The following LOXHD1 variants were observed in gnomAD, a reference collection of about 807,000 sequenced individuals.
LOXHD1 encodes lipoxygenase homology domain-containing protein 1.
In LOXHD1, 205 loss-of-function variants were observed where a neutral mutation model predicts 248.2. The observed-to-expected ratio is 0.83, with a 90% CI of 0.74 to 0.93. The LOEUF (loss-of-function observed/expected upper bound fraction) is 0.93. LOXHD1 is among the 40% of genes least tolerant of loss of function. The probability of loss-of-function intolerance (pLI) is 0.00; values close to 1 mark genes in which losing one functional copy is unlikely to be tolerated. For synonymous variants in LOXHD1, 1,113 were observed against 1,162.8 expected (o/e 0.96, Z 0.87); for missense variants, 2,930 against 2,971.6 (o/e 0.99, Z 0.33).
chr18:46,506,133 A>G, intron 36 of LOXHD1, 110 bp from the exon 37 acceptor site: 1 of 1,226,092 alleles, frequency 8.2e-7, no homozygotes, highest in South Asian at 1.5e-5. Context: ...ACAGGTGGAC[A>G]GAGTACAGAC....
intron 15 of LOXHD1, 59 bp downstream of exon 15, chr18:46,572,027 A>G: frequency 7.0e-7 from 1 of 1,425,740 alleles, no homozygotes; most frequent in Non-Finnish European, 9.7e-7. Flanking sequence ...GGCTTAGCTG[A>G]GGGAAGGCCC....
chr18:46,538,566 G>T (rs1277470782), intron 25 of LOXHD1, among the ~76,000 whole-genome samples: 1 of 152,158 alleles, frequency 6.6e-6, no homozygotes, highest in African/African-American at 2.4e-5. Context: ...CCTCAGACCA[G>T]GGTGTGTGAG....
chr18:46,533,532 G>A (rs946150903), intron 27 of LOXHD1, among the ~76,000 whole-genome samples: 1 of 152,206 alleles, frequency 6.6e-6, no homozygotes, highest in Non-Finnish European at 1.5e-5. Context: ...GCTCTGAAAG[G>A]CTGGAGTTCC....
rs1387129162 is a variant in LOXHD1, at chr18:46,534,323, T to C, written c.4212+12A>G. ...CAAAAGAAACAGCAGGACAGACCAG[T>C]CAACAACTCACGTCTTTATCCGGGA... is the stretch of plus-strand genomic sequence containing the variant. On this transcript the variant is annotated intron_variant, in intron 27 of 40. Transcript: ENST00000642948. 5.2e-6 allele frequency: 8 copies of C among 1,542,236 alleles called. No homozygotes were observed. The South Asian group carries it at 8.3e-5, about 16-fold the overall frequency.
chr18:46,579,793 CAG>C lies in LOXHD1; in HGVS notation c.1655-11_1655-10del. On this transcript the variant is annotated splice_polypyrimidine_tract_variant and intron_variant, in intron 12 of 40. Coordinates refer to ENST00000642948, the MANE Select transcript of LOXHD1 (RefSeq NM_001384474.1). ...CACATGGTACCGGGCCACTGGCAGG[CAG>C]AGAGAGGGACATCATTGCTGACAGC... 1.9e-6 allele frequency: 3 copies of C among 1,550,376 alleles called. No homozygotes were observed. The highest frequency in any genetic ancestry group is 2.6e-6 in the Non-Finnish European group (3 of 1,145,944).
intron 4 of LOXHD1, among the ~76,000 whole-genome samples, chr18:46,633,920 A>G (rs543394248): frequency 5.3e-5 from 8 of 152,366 alleles, no homozygotes; most frequent in African/African-American, 1.9e-4. Flanking sequence ...TAGGATGGCT[A>G]TTGTTTTTTA....
intron 2 of LOXHD1, among the ~76,000 whole-genome samples, chr18:46,643,532 G>C (rs765845629): frequency 5.3e-5 from 8 of 152,208 alleles, no homozygotes; most frequent in African/African-American, 1.7e-4. Flanking sequence ...ACTAGCAATC[G>C]TGAGGGTCTG....
At chr18:46,516,106 T>C (rs566437993) in intron 34 of LOXHD1, among the ~76,000 whole-genome samples, 3 of 152,124 alleles carry the variant, frequency 2.0e-5, no homozygotes, top group Admixed American at 6.5e-5. Context: ...AAGTAGAGAG[T>C]TTCTGTTCTC....
chr18:46,562,227 T>C (rs1277533384), intron 18 of LOXHD1, among the ~76,000 whole-genome samples: 12 of 152,248 alleles, frequency 7.9e-5, no homozygotes, highest in South Asian at 2.1e-4. Flanking sequence ...CAGACACTTA[T>C]GACTCTGGCC....
chr18:46,639,154 G>T (rs1263328930), intron 4 of LOXHD1, among the ~76,000 whole-genome samples: 4 of 152,182 alleles, frequency 2.6e-5, no homozygotes, highest in African/African-American at 4.8e-5. Flanking sequence ...AAATCAGGAG[G>T]AGTCAGAGGG....
intron 39 of LOXHD1, among the ~76,000 whole-genome samples, chr18:46,484,644 A>AG (rs1051178976): frequency 1.3e-5 from 2 of 152,162 alleles, no homozygotes; most frequent in Non-Finnish European, 2.9e-5. Context: ...AGCAGAGTTA[A>AG]GGGGGAGGTG....
chr18:46,570,048 T>C (rs2037721565), intron 15 of LOXHD1, among the ~76,000 whole-genome samples: 1 of 152,212 alleles, frequency 6.6e-6, no homozygotes, highest in African/African-American at 2.4e-5. Context: ...GTCTAGAGCA[T>C]TATACACATG....
chr18:46,478,593 A>G (rs1245735978), intron 40 of LOXHD1, among the ~76,000 whole-genome samples: 3 of 152,214 alleles, frequency 2.0e-5, no homozygotes, highest in Non-Finnish European at 4.4e-5. Context: ...GTGGCTTCCC[A>G]TGTCAAGTAA....
At chr18:46,538,682 T>A (rs1352855042) in intron 25 of LOXHD1, among the ~76,000 whole-genome samples, 1 of 152,208 alleles carries the variant, frequency 6.6e-6, no homozygotes, top group African/African-American at 2.4e-5. Context: ...ATTGGTGTAA[T>A]CTGGGCAAGT....
intron 18 of LOXHD1, 120 bp from the exon 19 acceptor site, chr18:46,560,665 G>A (rs1045213915): frequency 1.5e-5 from 14 of 922,776 alleles, no homozygotes; most frequent in Non-Finnish European, 1.7e-5. Flanking sequence ...GGATGGAGAG[G>A]GCTGGGGCCT....
chr18:46,487,314 C>T lies in LOXHD1; in HGVS notation c.6049+1658G>A, dbSNP rs534507055. On this transcript the variant is annotated intron_variant, in intron 38 of 40. Coordinates refer to ENST00000642948, the MANE Select transcript of LOXHD1 (RefSeq NM_001384474.1). ...TGGGCATGGCATCTGCAGAGGGCAG[C>T]GAATGAGTGATACAGGTTGTACCAA... Among the ~76,000 whole-genome samples the T allele has an allele frequency of 1.4e-4, 22 of 152,206 alleles. No homozygotes were observed. The East Asian group carries it at 1.9e-3, about 13-fold the overall frequency.
chr18:46,560,590 C>T (rs2037504425), intron 18 of LOXHD1, 45 bp from the exon 19 acceptor site: 1 of 1,454,268 alleles, frequency 6.9e-7, no homozygotes, highest in South Asian at 1.4e-5. Flanking sequence ...CCAGCGTCCT[C>T]CCCAACGCCC....
intron 17 of LOXHD1, among the ~76,000 whole-genome samples, chr18:46,565,545 A>G (rs766260817): frequency 2.0e-5 from 3 of 152,182 alleles, no homozygotes; most frequent in Non-Finnish European, 4.4e-5. Flanking sequence ...AGAAACCCTC[A>G]ATAGACCGTC....
chr18:46,604,346 T>A, intron 6 of LOXHD1, 117 bp from the exon 7 acceptor site: 4 of 1,374,082 alleles, frequency 2.9e-6, no homozygotes, highest in Non-Finnish European at 3.9e-6. Context: ...GATATCTGTT[T>A]CGTGGCCCAA....
Sources: allele counts gnomAD v4.1 joint callset (sites outside exome capture counted in the v4.1 genomes callset), GRCh38; gene constraint gnomAD v4.1.1; transcripts MANE v1.5; gene names NCBI Gene and HGNC (gene_info 2026-07-23, HGNC 2026-07-21).